DHX35: variants seen among roughly 807,000 people sequenced by gnomAD.
DHX35 encodes the protein DEAH-box helicase 35, also known as probable ATP-dependent RNA helicase DHX35.
DHX35 carries 84 observed loss-of-function variants against 99.6 expected under a neutral mutation model. The observed-to-expected ratio is 0.84, with a 90% CI of 0.71 to 1.01. The LOEUF (loss-of-function observed/expected upper bound fraction) is 1.01, where lower values mean the gene tolerates loss of function less well. Among genes scored for constraint, DHX35 ranks in the 50% least tolerant of loss-of-function variants. The pLI is 0.00. For synonymous variants in DHX35, 331 were observed against 316.2 expected (o/e 1.05, Z -0.50); for missense variants, 852 against 888.5 (o/e 0.96, Z 0.52).
chr20:39,025,496 C>T (rs2086943599), intron 18 of DHX35, 137 bp downstream of exon 18: 2 of 1,111,450 alleles, frequency 1.8e-6, no homozygotes, highest in Non-Finnish European at 1.2e-6. Context: ...TTTTGAGTTG[C>T]CTGCATCTGT....
At chr20:39,025,589 A>G (rs1041905817) in intron 18 of DHX35, among the ~76,000 whole-genome samples, 1 of 152,242 alleles carries the variant, frequency 6.6e-6, no homozygotes, top group African/African-American at 2.4e-5. Flanking sequence ...AAGGAATTTC[A>G]TAGCCCATGA....
chr20:39,010,626 G>A (rs1894596595), intron 13 of DHX35, among the ~76,000 whole-genome samples: 1 of 152,170 alleles, frequency 6.6e-6, no homozygotes, highest in African/African-American at 2.4e-5. Flanking sequence ...TTGTCTGCTG[G>A]GGAATAGAGA....
chr20:39,003,312 T>G (rs1423670504), intron 10 of DHX35, among the ~76,000 whole-genome samples: 1 of 152,192 alleles, frequency 6.6e-6, no homozygotes, highest in Non-Finnish European at 1.5e-5. Context: ...TGGCCAGCAC[T>G]ATTCAGACCT....
intron 19 of DHX35, 130 bp downstream of exon 19, chr20:39,028,629 C>G (rs1001544810): frequency 2.8e-6 from 3 of 1,063,386 alleles, no homozygotes; most frequent in Non-Finnish European, 4.1e-6. Flanking sequence ...CCTTCCAAAA[C>G]TGAGTTGAGG....
chr20:39,011,560 C>T (rs376777852), intron 13 of DHX35, among the ~76,000 whole-genome samples: 1 of 152,290 alleles, frequency 6.6e-6, no homozygotes, highest in East Asian at 1.9e-4. Flanking sequence ...TGGTCTCAAA[C>T]TCCTGAGCAG....
intron 3 of DHX35, among the ~76,000 whole-genome samples, chr20:38,976,536 A>C (rs1156557932): frequency 4.0e-5 from 6 of 151,850 alleles, no homozygotes; most frequent in Non-Finnish European, 8.8e-5. Context: ...TATGTTGTAT[A>C]ATGATCAAAT....
chr20:39,025,287 A>G lies in DHX35; in HGVS notation c.1729A>G (p.Arg577Gly). 1.2e-6 allele frequency: 2 copies of G among 1,613,752 alleles called. No homozygotes were observed. The highest frequency in any genetic ancestry group is 3.3e-4 in the Middle Eastern group (2 of 6,062). The part of the protein sequence containing the change: ...EHFLNYKGLV[R>G]AATVREQLKK... ...TTTCCTGAATTACAAGGGTCTTGTC[A>G]GAGCTGCGACTGTAAGAGAACAATT... Residue 577 changes from arginine to glycine, a missense_variant, in exon 18 of 22, where the codon AGA (arginine) becomes GGA (glycine). Coordinates refer to ENST00000252011, the MANE Select transcript of DHX35 (RefSeq NM_021931.4).
At chr20:39,034,472 G>T (rs1176372156) in intron 21 of DHX35, among the ~76,000 whole-genome samples, 155 bp downstream of exon 21, 1 of 152,132 alleles carries the variant, frequency 6.6e-6, no homozygotes, top group Admixed American at 6.5e-5. Flanking sequence ...AACATTCTGG[G>T]AAAGCACTCT....
chr20:39,009,165 C>G (rs898861794), intron 12 of DHX35, among the ~76,000 whole-genome samples: 2 of 152,148 alleles, frequency 1.3e-5, no homozygotes, highest in Admixed American at 6.5e-5. Context: ...TATGTGTTAA[C>G]TTTGTTTCTC....
chr20:38,992,151 T>C (rs948523405), intron 6 of DHX35, among the ~76,000 whole-genome samples: 5 of 152,268 alleles, frequency 3.3e-5, no homozygotes, highest in Non-Finnish European at 5.9e-5. Context: ...ATAACAATAG[T>C]ACACTTTTTA....
At chr20:39,030,888 C>T (rs897423526) in intron 20 of DHX35, 113 bp downstream of exon 20, 37 of 1,204,078 alleles carry the variant, frequency 3.1e-5, no homozygotes, top group Admixed American at 2.4e-4. Context: ...CTGGGCCGGG[C>T]GTGGTGGCTC....
At chr20:39,028,959 C>T (rs181267297) in intron 19 of DHX35, among the ~76,000 whole-genome samples, 1 of 152,288 alleles carries the variant, frequency 6.6e-6, no homozygotes, top group East Asian at 1.9e-4. Context: ...CTGGATGTGC[C>T]TCCTGCTACA....
chr20:39,029,512 C>G (rs1410876197), intron 19 of DHX35: 1 of 151,580 alleles, frequency 6.6e-6, no homozygotes, highest in African/African-American at 2.4e-5. Context: ...TTACTCCAGG[C>G]ATGTTGTAGC....
intron 2 of DHX35, among the ~76,000 whole-genome samples, chr20:38,970,444 T>C (rs1225957141): frequency 1.3e-5 from 2 of 152,224 alleles, no homozygotes; most frequent in African/African-American, 4.8e-5. Flanking sequence ...TGTATGAATG[T>C]TAGCAAGTTT....
At chr20:39,001,330 A>T (rs1399714915) in intron 8 of DHX35, among the ~76,000 whole-genome samples, 1 of 152,218 alleles carries the variant, frequency 6.6e-6, no homozygotes, top group Non-Finnish European at 1.5e-5. Flanking sequence ...TGTTTTCCAG[A>T]TAGAGTTACC....
chr20:38,992,744 C>T (rs1601398089), intron 7 of DHX35, among the ~76,000 whole-genome samples: 4 of 152,124 alleles, frequency 2.6e-5, no homozygotes, highest in African/African-American at 4.8e-5. Context: ...TTTTCTGTGT[C>T]ATTTAAATAT....
chr20:39,006,684 T>C (rs2086624834), intron 12 of DHX35, among the ~76,000 whole-genome samples: 1 of 152,238 alleles, frequency 6.6e-6, no homozygotes, highest in African/African-American at 2.4e-5. Context: ...CCTTTCTTTC[T>C]TGACTTAATG....
chr20:38,978,179 A>T, intron 3 of DHX35: 2 of 1,026,672 alleles, frequency 1.9e-6, no homozygotes, highest in Non-Finnish European at 3.0e-6. Flanking sequence ...GGCTGTACAG[A>T]CATTTTCAAA....
intron 8 of DHX35, 92 bp from the exon 9 acceptor site, chr20:39,001,638 C>A: frequency 1.0e-6 from 1 of 973,798 alleles, no homozygotes; most frequent in Non-Finnish European, 1.5e-6. Context: ...ACTCACCTGT[C>A]TTTGGCAAGT....
Sources: gnomAD v4.1 joint callset for allele counts (sites outside exome capture counted in the v4.1 genomes callset) on GRCh38, gnomAD v4.1.1 for gene constraint, MANE v1.5 for transcripts, NCBI Gene and HGNC (gene_info 2026-07-23, HGNC 2026-07-21) for gene names.